The following SLAMF9 variants were observed in gnomAD, a reference collection of about 807,000 sequenced individuals.
SLAMF9 encodes SLAM family member 9, also known as CD2 family member 10.
Under a neutral mutation model 30.4 loss-of-function variants are expected in SLAMF9, and 25 were observed. That is an observed-to-expected ratio of 0.82 (90% confidence interval 0.60 to 1.15). The LOEUF is 1.15. Ranked by LOEUF, SLAMF9 falls within the 50% of genes most tolerant of loss-of-function variation. The pLI, the probability that SLAMF9 is intolerant of heterozygous loss-of-function variation, is 0.00. For synonymous variants in SLAMF9, 129 were observed against 127.2 expected, an observed-to-expected ratio of 1.01 and a Z score of -0.09; for missense variants, 344 against 346.1, an observed-to-expected ratio of 0.99 and a Z score of 0.05.
chr1:159,958,415 C>A (rs1033758296), upstream of SLAMF9, among the ~76,000 whole-genome samples: 2 of 151,972 alleles, frequency 1.3e-5, no homozygotes, highest in African/African-American at 4.8e-5. Flanking sequence ...TGGAGAAAGT[C>A]ACTTCTGAGA....
Position 159,954,096 on chromosome 1 carries a change from C to T in SLAMF9, c.42G>A (p.Gln14=). 6.2e-7 allele frequency: 1 copy of T among 1,614,012 alleles called. No individual in the cohort carries two copies. Among genetic ancestry groups the T allele is most frequent in the Non-Finnish European group, 8.5e-7 (1 of 1,179,960 alleles). ...FPWLLLLLLL[Q]EGSQRRLWRW... is the part of the protein sequence containing the mutation. ...CGAGCTGGCAGCTTCACTCACCCTC[C>T]TGGAGCAGCAGGAGAAGAAGCAGCC... The change falls in exon 1 of 4, where the codon CAG becomes CAA. Residue 14 remains glutamine, a synonymous_variant. Transcript: ENST00000368093.
At chr1:159,973,074 C>G in the SLAMF9 span, 1 of 1,480,228 alleles carries the variant, frequency 6.8e-7, no homozygotes, top group East Asian at 2.5e-5. Flanking sequence ...CCAGTAAAGC[C>G]CAGAGTCTCC....
At chr1:159,963,414 C>T in the SLAMF9 span, among the ~76,000 whole-genome samples, 1 of 152,184 alleles carries the variant, frequency 6.6e-6, no homozygotes, top group South Asian at 2.1e-4. Flanking sequence ...AGACAGCAAG[C>T]ATTGCTGTTG....
chr1:159,976,453 T>C, the SLAMF9 span, among the ~76,000 whole-genome samples: 1 of 152,160 alleles, frequency 6.6e-6, no homozygotes, highest in East Asian at 1.9e-4. Context: ...TGCATATGCA[T>C]ATAAAATGTT....
rs539835801 is a variant in SLAMF9, at chr1:159,952,548, A to G, written c.392-14T>C. The G allele has an allele frequency of 5.1e-5, 82 of 1,611,710 alleles. 1 individual carries two copies. In the South Asian group the frequency reaches 8.5e-4, roughly 17 times the overall value. On this transcript the variant is annotated splice_polypyrimidine_tract_variant and intron_variant, in intron 2 of 3. Transcript: ENST00000368093. ...CTGACAGCCATCCTGGATGAAGGGG[A>G]AACACAAAGACCCTCTAAACAATCA...
At chr1:159,956,891 G>A (rs556780303), upstream of SLAMF9, among the ~76,000 whole-genome samples, 15 of 151,828 alleles carry the variant, frequency 9.9e-5, no homozygotes, top group South Asian at 2.1e-4. Flanking sequence ...AGGCCGAGGC[G>A]GGGGGATCAC....
chr1:159,961,781 G>C, the SLAMF9 span, among the ~76,000 whole-genome samples: 9 of 152,224 alleles, frequency 5.9e-5, no homozygotes, highest in Non-Finnish European at 1.2e-4. Flanking sequence ...GCAGAGAAGA[G>C]TGGAGATGAG....
the SLAMF9 span, chr1:159,978,619 T>C: frequency 2.6e-5 from 4 of 152,224 alleles, no homozygotes; most frequent in South Asian, 2.1e-4. Context: ...AAAGCTTGAC[T>C]GAAGGTACCA....
chr1:159,980,235 A>G, the SLAMF9 span, among the ~76,000 whole-genome samples: 2 of 152,112 alleles, frequency 1.3e-5, no homozygotes, highest in African/African-American at 2.4e-5. Flanking sequence ...TGGGCTGTGC[A>G]CTTGGACCTG....
At chr1:159,973,756 G>A in the SLAMF9 span, 1 of 1,591,306 alleles carries the variant, frequency 6.3e-7, no homozygotes, top group East Asian at 2.2e-5. Flanking sequence ...GGACCCCTGA[G>A]AGGCACCTCC....
intron 2 of SLAMF9, 102 bp from the exon 3 acceptor site, chr1:159,952,636 C>A (rs1350017054): frequency 1.6e-6 from 2 of 1,251,760 alleles, no homozygotes; most frequent in African/African-American, 3.0e-5. Flanking sequence ...CCTTGACAGC[C>A]CCTGCACCTA....
the SLAMF9 span, among the ~76,000 whole-genome samples, chr1:159,966,699 A>G: frequency 6.6e-6 from 1 of 152,056 alleles, no homozygotes; most frequent in Non-Finnish European, 1.5e-5. Context: ...TTTAATTTGC[A>G]TTTACTTAGT....
Position 159,951,561 on chromosome 1 carries a change from C to A in SLAMF9, c.*100G>T, listed in dbSNP as rs748732294. The A allele has an allele frequency of 8.8e-7, 1 of 1,142,644 alleles. No individual in the cohort carries two copies. The highest frequency in any genetic ancestry group is 1.3e-6 in the Non-Finnish European group (1 of 784,932). The allele number at this position is 1,142,644 out of a possible 1,614,324, so 70.8% of individuals were successfully genotyped here. A position where few individuals can be genotyped will look rare whatever the true frequency, so the allele number is the denominator to read the frequency against. ...AGAAGTATGGCTCTCTGGATACCCA[C>A]CCCTGAGCACCTCCTTCCCCTGGAA... On this transcript the variant is annotated 3_prime_UTR_variant, in exon 4 of 4. Transcript: ENST00000368093.
the SLAMF9 span, among the ~76,000 whole-genome samples, chr1:159,963,929 G>C: frequency 6.6e-6 from 1 of 152,070 alleles, no homozygotes; most frequent in Non-Finnish European, 1.5e-5. Flanking sequence ...GCAAGGTGGC[G>C]AGTGCCTGTA....
chr1:159,954,237 T>C lies in SLAMF9; in HGVS notation c.-100A>G. On this transcript the variant is annotated 5_prime_UTR_variant, in exon 1 of 4. Coordinates refer to ENST00000368093, the MANE Select transcript of SLAMF9 (RefSeq NM_033438.4). Reference sequence around the variant, plus strand: ...GGCTCCTAGACACAAAGAGCCTGACTGATGGTCCTGAGAAAAGGGAAATAA... The same window carrying C: ...GGCTCCTAGACACAAAGAGCCTGACCGATGGTCCTGAGAAAAGGGAAATAA... 2 of 1,368,848 alleles carry C rather than the reference T, an allele frequency of 1.5e-6. No individual in the cohort carries two copies. The highest frequency in any genetic ancestry group is 2.0e-6 in the Non-Finnish European group (2 of 976,726). 84.8% of individuals were successfully genotyped at this position (1,368,848 alleles called of 1,614,324 possible). A position where few individuals can be genotyped will look rare whatever the true frequency, so the allele number is the denominator to read the frequency against.
the SLAMF9 span, among the ~76,000 whole-genome samples, chr1:159,959,615 C>T: frequency 6.6e-6 from 1 of 152,168 alleles, no homozygotes; most frequent in Non-Finnish European, 1.5e-5. Context: ...CTCTGACTCT[C>T]ACTTGCGGGG....
At chr1:159,967,197 T>G in the SLAMF9 span, among the ~76,000 whole-genome samples, 1 of 152,218 alleles carries the variant, frequency 6.6e-6, no homozygotes, top group Non-Finnish European at 1.5e-5. Flanking sequence ...ATGTGCAGGT[T>G]TGTTACACAG....
the SLAMF9 span, chr1:159,965,537 G>T: frequency 6.6e-6 from 1 of 152,216 alleles, no homozygotes; most frequent in Non-Finnish European, 1.5e-5. Context: ...TACTGCATCT[G>T]GCTGACAGAG....
chr1:159,976,704 G>C, the SLAMF9 span: 1 of 151,964 alleles, frequency 6.6e-6, no homozygotes, highest in Non-Finnish European at 1.5e-5. Flanking sequence ...CCCTGCAACT[G>C]AAGATTCTAA....
Sources: gnomAD v4.1 joint callset for allele counts (sites outside exome capture counted in the v4.1 genomes callset) on GRCh38, gnomAD v4.1.1 for gene constraint, MANE v1.5 for transcripts, NCBI Gene and HGNC (gene_info 2026-07-23, HGNC 2026-07-21) for gene names.